RPS6KA2: variants seen among roughly 807,000 people sequenced by gnomAD.
RPS6KA2 encodes ribosomal protein S6 kinase A2.
A neutral mutation model predicts 91.8 loss-of-function variants in RPS6KA2; 42 were observed. The observed-to-expected ratio is 0.46, with a 90% confidence interval of 0.36 to 0.59. The LOEUF (loss-of-function observed/expected upper bound fraction) is 0.59, where lower values mean the gene tolerates loss of function less well. RPS6KA2 is among the 20% of genes least tolerant of loss of function. The probability of loss-of-function intolerance (pLI) is 0.00; values close to 1 mark genes in which losing one functional copy is unlikely to be tolerated. For synonymous variants in RPS6KA2, 414 were observed against 393.6 expected, an observed-to-expected ratio of 1.05 and a Z score of -0.61; for missense variants, 798 against 978.5, an observed-to-expected ratio of 0.82 and a Z score of 2.46.
chr6:166,844,470 C>A (rs1780561121), intron 2 of RPS6KA2, among the ~76,000 whole-genome samples: 1 of 152,142 alleles, frequency 6.6e-6, no homozygotes, highest in Non-Finnish European at 1.5e-5. Flanking sequence ...ACATAGTCAT[C>A]AAGTTATCTA....
intron 2 of RPS6KA2, among the ~76,000 whole-genome samples, chr6:166,787,696 T>A (rs1288958317): frequency 6.6e-6 from 1 of 152,098 alleles, no homozygotes; most frequent in Admixed American, 6.5e-5. Context: ...AAGACTTAGA[T>A]GTAAAACCCA....
chr6:166,606,158 T>G (rs1231660523), intron 1 of RPS6KA2, among the ~76,000 whole-genome samples: 1 of 152,208 alleles, frequency 6.6e-6, no homozygotes, highest in Non-Finnish European at 1.5e-5. Flanking sequence ...GAAAATAAAA[T>G]GGTGCACACC....
intron 10 of RPS6KA2, among the ~76,000 whole-genome samples, chr6:166,477,681 C>A (rs1554279046): frequency 2.0e-5 from 3 of 152,180 alleles, no homozygotes; most frequent in Non-Finnish European, 4.4e-5. Flanking sequence ...GAGGCCAATG[C>A]AGGAGGACTG....
At chr6:166,830,528 C>T (rs75142724) in intron 2 of RPS6KA2, among the ~76,000 whole-genome samples, 5,124 of 152,332 alleles carry the variant, frequency 0.034, 308 homozygotes, top group African/African-American at 0.12. Context: ...TTTATAATTT[C>T]TTTTTAAAAA....
At chr6:166,850,625 G>A (rs1450175390) in intron 2 of RPS6KA2, among the ~76,000 whole-genome samples, 5 of 152,312 alleles carry the variant, frequency 3.3e-5, no homozygotes, top group African/African-American at 1.2e-4. Context: ...CAGGTCCCGT[G>A]AGTTCCACGC....
intron 1 of RPS6KA2, among the ~76,000 whole-genome samples, chr6:166,560,992 A>G (rs1583280279): frequency 6.6e-6 from 1 of 151,434 alleles, no homozygotes; most frequent in Non-Finnish European, 1.5e-5. Context: ...TTGGTAATCC[A>G]CACCCCTACT....
intron 2 of RPS6KA2, among the ~76,000 whole-genome samples, chr6:166,677,878 C>T (rs555962477): frequency 1.3e-5 from 2 of 152,264 alleles, no homozygotes; most frequent in Admixed American, 1.3e-4. Context: ...TTATTACATT[C>T]TTTGCTTCCA....
At chr6:166,600,976 A>G (rs1371417721) in intron 1 of RPS6KA2, among the ~76,000 whole-genome samples, 2 of 152,238 alleles carry the variant, frequency 1.3e-5, no homozygotes, top group Non-Finnish European at 2.9e-5. Context: ...TATTTCTTAA[A>G]CAAACAAACA....
rs534067991 is a variant in RPS6KA2, at chr6:166,666,019, G to A, written c.124-127235C>T. Among the ~76,000 whole-genome samples the A allele has an allele frequency of 6.6e-6, 1 of 152,302 alleles. No individual in the cohort carries two copies. Among genetic ancestry groups the A allele is most frequent in the East Asian group, 1.9e-4 (1 of 5,190 alleles). ...AGTGGAAAAGCCCACATCACCACAG[G>A]CTGCGATCTGAAGGAGCAGAGATTA... On this transcript the variant is annotated intron_variant, in intron 2 of 21. Coordinates refer to the RPS6KA2 transcript ENST00000503859. This position sits in a 1 kb window ranked among gnomAD's most constrained non-coding sequence, Gnocchi z 4.0.
intron 11 of RPS6KA2, among the ~76,000 whole-genome samples, chr6:166,461,200 T>C (rs1221357112): frequency 6.6e-6 from 1 of 152,208 alleles, no homozygotes; most frequent in Non-Finnish European, 1.5e-5. Context: ...TATTTGCTCA[T>C]TTCCTGCCTT....
At chr6:166,741,225 T>C (rs143576331) in intron 2 of RPS6KA2, among the ~76,000 whole-genome samples, 2 of 152,368 alleles carry the variant, frequency 1.3e-5, no homozygotes, top group East Asian at 1.9e-4. Flanking sequence ...ATTGCTTATA[T>C]GTAAAGACGT....
intron 2 of RPS6KA2, among the ~76,000 whole-genome samples, chr6:166,812,057 T>C (rs913618580): frequency 4.0e-5 from 6 of 151,752 alleles, no homozygotes; most frequent in African/African-American, 1.5e-4. Flanking sequence ...GGAAAACGAG[T>C]GGATGAAAGC....
At position 166,849,925 on chromosome 6, in the gene RPS6KA2, G is replaced by A. The variant is rs1780696571; in HGVS notation, c.123+8275C>T. Reference sequence around the variant, plus strand: ...TCATGCCTGGCTCCGCTGTGCCCACGGGGCCTCCACCAGAGAAGTGTGAGA... The same window carrying A: ...TCATGCCTGGCTCCGCTGTGCCCACAGGGCCTCCACCAGAGAAGTGTGAGA... On this transcript the variant is annotated intron_variant, in intron 2 of 21. Transcript: ENST00000503859. This position sits in a 1 kb window ranked among gnomAD's most constrained non-coding sequence, Gnocchi z 4.9. Among the ~76,000 whole-genome samples, 2 of 152,094 alleles carry A rather than the reference G, an allele frequency of 1.3e-5. No homozygotes were observed. Among genetic ancestry groups the A allele is most frequent in the African/African-American group, 2.4e-5 (1 of 41,420 alleles).
At chr6:166,799,532 G>A (rs1250802198) in intron 2 of RPS6KA2, among the ~76,000 whole-genome samples, 1 of 151,136 alleles carries the variant, frequency 6.6e-6, no homozygotes, top group African/African-American at 2.4e-5. Flanking sequence ...GGAAATTTGA[G>A]CTTATAGAGA....
At position 166,433,383 on chromosome 6, in the gene RPS6KA2, T is replaced by C. The variant is rs1205484374; in HGVS notation, c.1333-893A>G. 1.3e-5 allele frequency among the ~76,000 whole-genome samples: 2 copies of C among 152,084 alleles called. No homozygotes were observed. The highest frequency in any genetic ancestry group is 4.8e-5 in the African/African-American group (2 of 41,398). ...ACATATGGTTTCTGAGGACAGGGTG[T>C]TGGGATTTAAGCCTACCTTGGAAAC... On this transcript the variant is annotated intron_variant, in intron 14 of 20. Transcript: ENST00000265678. The surrounding 1 kb of genome is among the most constrained non-coding windows in gnomAD (Gnocchi z 4.4).
rs1479006350 is a variant in RPS6KA2 at position 166,435,345 on chromosome 6, T to G, written c.1333-2855A>C. On this transcript the variant is annotated intron_variant, in intron 14 of 20. Coordinates refer to ENST00000265678, the MANE Select transcript of RPS6KA2 (RefSeq NM_021135.6). The surrounding 1 kb of genome is among the most constrained non-coding windows in gnomAD (Gnocchi z 4.3). Reference sequence around the variant, plus strand: ...ATAAAAGCTAGCATGTATGTGCACATGTGAGGCACACTGGATTTCAACCCA... The same window carrying G: ...ATAAAAGCTAGCATGTATGTGCACAGGTGAGGCACACTGGATTTCAACCCA... Among the ~76,000 whole-genome samples the G allele has an allele frequency of 1.3e-5, 2 of 152,156 alleles. No homozygotes were observed. Among genetic ancestry groups the G allele is most frequent in the African/African-American group, 4.8e-5 (2 of 41,402 alleles).
rs576385688 is a variant in RPS6KA2, at chr6:166,459,805, G to C, written c.973-254C>G. Among the ~76,000 whole-genome samples, 1 of 152,364 alleles carries C rather than the reference G, an allele frequency of 6.6e-6. No homozygotes were observed. Among genetic ancestry groups the C allele is most frequent in the East Asian group, 1.9e-4 (1 of 5,188 alleles). On this transcript the variant is annotated intron_variant, in intron 11 of 20. Transcript: ENST00000265678. The surrounding 1 kb of genome is among the most constrained non-coding windows in gnomAD (Gnocchi z 4.9). ...GAAAGGTATAGAAAAGGCATAGTTT[G>C]AGGTATGAGGGTTTGGGGACATGCC...
intron 2 of RPS6KA2, among the ~76,000 whole-genome samples, chr6:166,806,944 C>T (rs1301652652): frequency 2.0e-5 from 3 of 152,144 alleles, no homozygotes; most frequent in Admixed American, 6.5e-5. Flanking sequence ...AAATTCAAAT[C>T]ACAATGTTAC....
chr6:166,644,899 G>A (rs753511350), intron 2 of RPS6KA2, among the ~76,000 whole-genome samples: 8 of 152,296 alleles, frequency 5.3e-5, no homozygotes, highest in Non-Finnish European at 1.0e-4. Flanking sequence ...AGGAATGCCT[G>A]GTGAAGGAGG....
Sources: gnomAD v4.1 joint callset for allele counts (sites outside exome capture counted in the v4.1 genomes callset) on GRCh38, gnomAD v4.1.1 for gene constraint, Gnocchi (gnomAD v3.1) non-coding constraint, MANE v1.5 for transcripts, NCBI Gene and HGNC (gene_info 2026-07-23, HGNC 2026-07-21) for gene names.